Variants in ROBO1 observed in about 807,000 individuals in gnomAD.
The protein encoded by ROBO1 is roundabout guidance receptor 1, also known as roundabout homolog 1.
A neutral mutation model predicts 195.9 loss-of-function variants in ROBO1; 149 were observed. The ratio of observed to expected loss-of-function variants is 0.76; its 90% CI spans 0.67 to 0.87. The LOEUF (loss-of-function observed/expected upper bound fraction) is 0.87, where lower values mean the gene tolerates loss of function less well. Among genes scored for constraint, ROBO1 ranks in the 40% least tolerant of loss-of-function variants. The pLI, the probability that ROBO1 is intolerant of heterozygous loss-of-function variation, is 0.00. For synonymous variants in ROBO1, 816 were observed against 733.2 expected, an observed-to-expected ratio of 1.11 and a Z score of -1.82; for missense variants, 1,933 against 2,068.3, an observed-to-expected ratio of 0.93 and a Z score of 1.27.
intron 2 of ROBO1, among the ~76,000 whole-genome samples, chr3:79,538,106 C>T (rs1462832670): frequency 1.3e-5 from 2 of 152,064 alleles, no homozygotes; most frequent in Non-Finnish European, 2.9e-5. Context: ...CTCACCAGAA[C>T]CAAAACTACG....
At chr3:79,018,297 C>T (rs2078005176) in intron 3 of ROBO1, 8 of 1,250,396 alleles carry the variant, frequency 6.4e-6, no homozygotes, top group South Asian at 5.1e-5. Flanking sequence ...CGAGCCCCTC[C>T]GGCCTTAGGA....
rs74758213 is a variant in ROBO1 at position 79,354,682 on chromosome 3, C to A, written c.89-229143G>T. On this transcript the variant is annotated intron_variant, in intron 2 of 30. Transcript: ENST00000464233. ...GAACTCTGCCTCTTATTTCCTCCTGCGTCTATTTTGACACATTTGCCACAA... is the reference window on the plus strand; with the variant it reads ...GAACTCTGCCTCTTATTTCCTCCTGAGTCTATTTTGACACATTTGCCACAA... Among the ~76,000 whole-genome samples, 968 of 152,266 alleles carry A rather than the reference C, an allele frequency of 6.4e-3. 15 individuals are homozygous for A. Among genetic ancestry groups the A allele is most frequent in the African/African-American group, 0.022 (921 of 41,528 alleles).
At chr3:78,883,244 T>A (rs1187744881) in intron 4 of ROBO1, among the ~76,000 whole-genome samples, 5 of 147,674 alleles carry the variant, frequency 3.4e-5, no homozygotes, top group African/African-American at 5.0e-5. Flanking sequence ...TTTCTGTTGG[T>A]AAAAAAAAAA....
chr3:79,141,297 G>T (rs1453751563), intron 2 of ROBO1, among the ~76,000 whole-genome samples: 1 of 152,032 alleles, frequency 6.6e-6, no homozygotes, highest in East Asian at 1.9e-4. Context: ...CACCTCTAAG[G>T]TTGCATTCAC....
At chr3:79,659,510 G>A (rs1329966090) in intron 1 of ROBO1, among the ~76,000 whole-genome samples, 1 of 151,878 alleles carries the variant, frequency 6.6e-6, no homozygotes, top group East Asian at 1.9e-4. Context: ...TTCCTTATTG[G>A]ATAAGACTCA....
chr3:79,175,332 A>C (rs960950300), intron 2 of ROBO1, among the ~76,000 whole-genome samples: 5 of 152,180 alleles, frequency 3.3e-5, no homozygotes, highest in African/African-American at 1.2e-4. Flanking sequence ...TTTTAATAGA[A>C]ATGGGGTCTT....
chr3:79,275,312 A>G (rs531729621), intron 2 of ROBO1, among the ~76,000 whole-genome samples: 2 of 152,050 alleles, frequency 1.3e-5, no homozygotes, highest in Non-Finnish European at 2.9e-5. Flanking sequence ...CCAGGAGTGC[A>G]AAGATGGCTT....
chr3:79,324,805 C>T (rs544080750), intron 2 of ROBO1, among the ~76,000 whole-genome samples: 3 of 152,182 alleles, frequency 2.0e-5, no homozygotes, highest in African/African-American at 7.2e-5. Context: ...TAGGACTCCA[C>T]ATGGTTTAAA....
chr3:79,759,316 T>C (rs1704570304), intron 1 of ROBO1, among the ~76,000 whole-genome samples: 1 of 152,196 alleles, frequency 6.6e-6, no homozygotes, highest in African/African-American at 2.4e-5. Flanking sequence ...TATTTTTGAG[T>C]GCTTATTCAA....
rs188835452 is a variant in ROBO1 at position 78,898,534 on chromosome 3, C to T, written c.499+40067G>A. ...TCCCAAGTAGCTGGGACTACAGGCG[C>T]CCACCACCATGCCCGGCTAATTTTT... On this transcript the variant is annotated intron_variant, in intron 4 of 30. Coordinates refer to ENST00000464233, the MANE Select transcript of ROBO1 (RefSeq NM_002941.4). Among the ~76,000 whole-genome samples, 982 of 151,024 alleles carry T rather than the reference C, an allele frequency of 6.5e-3. 10 individuals are homozygous for T. The highest frequency in any genetic ancestry group is 0.034 in the Middle Eastern group (10 of 294).
chr3:78,683,791 T>C (rs751564018), intron 10 of ROBO1, among the ~76,000 whole-genome samples: 3 of 151,420 alleles, frequency 2.0e-5, no homozygotes, highest in Non-Finnish European at 4.4e-5. Context: ...TCAAGGTAGA[T>C]AAAAAAAATT....
At chr3:79,603,613 A>AGAGGATAC in intron 1 of ROBO1, among the ~76,000 whole-genome samples, 1 of 152,008 alleles carries the variant, frequency 6.6e-6, no homozygotes, top group Non-Finnish European at 1.5e-5. Context: ...AAAGAAATAA[A>AGAGGATAC]GAGGATACTA....
chr3:78,854,632 T>C (rs1225292207), intron 4 of ROBO1, among the ~76,000 whole-genome samples: 2 of 152,022 alleles, frequency 1.3e-5, no homozygotes, highest in Non-Finnish European at 1.5e-5. Context: ...GTATTAGTTT[T>C]ATAATTAGAA....
At chr3:79,201,485 C>T (rs2081762424) in intron 2 of ROBO1, among the ~76,000 whole-genome samples, 1 of 151,978 alleles carries the variant, frequency 6.6e-6, no homozygotes, top group South Asian at 2.1e-4. Flanking sequence ...GGTAGTATCA[C>T]AAATGCTATC....
intron 1 of ROBO1, among the ~76,000 whole-genome samples, chr3:79,594,969 G>T (rs1442019388): frequency 6.6e-6 from 1 of 151,872 alleles, no homozygotes; most frequent in Non-Finnish European, 1.5e-5. Flanking sequence ...ATATTTATAA[G>T]ATAATCTCAT....
chr3:79,722,708 TC>T (rs1702756125), intron 1 of ROBO1, among the ~76,000 whole-genome samples: 1 of 152,226 alleles, frequency 6.6e-6, no homozygotes, highest in Non-Finnish European at 1.5e-5. Flanking sequence ...ATGTGCAGCC[TC>T]CTATTCTTTA....
At chr3:79,073,246 A>C (rs2079117802) in intron 3 of ROBO1, among the ~76,000 whole-genome samples, 1 of 151,984 alleles carries the variant, frequency 6.6e-6, no homozygotes, top group Admixed American at 6.6e-5. Context: ...ATTTTAGTAA[A>C]AGCAAAGTTA....
intron 5 of ROBO1, among the ~76,000 whole-genome samples, chr3:78,721,255 A>T (rs1230457068): frequency 2.0e-5 from 3 of 152,184 alleles, no homozygotes; most frequent in Admixed American, 2.0e-4. Context: ...ATCTTATCAA[A>T]ATCTTCCTAA....
rs145061488 is a variant in ROBO1 at position 78,796,957 on chromosome 3, T to A, written c.500-50057A>T. 7.2e-5 allele frequency among the ~76,000 whole-genome samples: 11 copies of A among 152,264 alleles called. No individual in the cohort carries two copies. The East Asian group carries it at 1.7e-3, about 24-fold the overall frequency. On this transcript the variant is annotated intron_variant, in intron 4 of 30. Transcript: ENST00000464233. ...CTTTGTCTTCCAACCTCGTCTCTCA[T>A]CTTTCTATCTCTTGTACTCGAATCT...
Sources: gnomAD v4.1 joint callset for allele counts (sites outside exome capture counted in the v4.1 genomes callset) on GRCh38, gnomAD v4.1.1 for gene constraint, MANE v1.5 for transcripts, NCBI Gene and HGNC (gene_info 2026-07-23, HGNC 2026-07-21) for gene names.